Variants in MLLT10 observed in about 807,000 individuals in gnomAD.
MLLT10 encodes the protein protein AF-10.
MLLT10 carries 30 observed loss-of-function variants against 129.1 expected under a neutral mutation model. That is an observed-to-expected ratio of 0.23 (90% CI 0.17 to 0.32). The LOEUF (loss-of-function observed/expected upper bound fraction) is 0.32, where lower values mean the gene tolerates loss of function less well. MLLT10 is among the 10% of genes least tolerant of loss of function. The pLI is 1.00. For synonymous variants in MLLT10, 490 were observed against 446.4 expected (o/e 1.10, Z -1.23); for missense variants, 1,119 against 1,268.3 (o/e 0.88, Z 1.79).
chr10:21,677,784 C>T (rs911116102), intron 11 of MLLT10, among the ~76,000 whole-genome samples: 1 of 152,160 alleles, frequency 6.6e-6, no homozygotes, highest in Non-Finnish European at 1.5e-5. Context: ...GATTGACTTT[C>T]TTGAATGACA....
chr10:21,690,395 T>G (rs1227596538), intron 13 of MLLT10, among the ~76,000 whole-genome samples: 2 of 152,126 alleles, frequency 1.3e-5, no homozygotes, highest in Non-Finnish European at 2.9e-5. Flanking sequence ...TAATGAATTT[T>G]TAAATTATTA....
chr10:21,701,712 G>A (rs1414017165), intron 13 of MLLT10, among the ~76,000 whole-genome samples: 4 of 151,914 alleles, frequency 2.6e-5, no homozygotes, highest in Admixed American at 1.3e-4. Context: ...TCAGCCTCCT[G>A]AGTAGCTGGG....
At position 21,715,157 on chromosome 10, in the gene MLLT10, T is replaced by C. The variant is rs950471978; in HGVS notation, c.1878+1207T>C. Among the ~76,000 whole-genome samples the C allele has an allele frequency of 2.0e-5, 3 of 152,324 alleles. No homozygotes were observed. The South Asian group carries it at 6.2e-4, about 32-fold the overall frequency. ...ATGCGTGCATAATTTCCATTGCGTGTGTTGTTAGGATATATATACGCTTTT... is the reference window on the plus strand; with the variant it reads ...ATGCGTGCATAATTTCCATTGCGTGCGTTGTTAGGATATATATACGCTTTT... On this transcript the variant is annotated intron_variant, in intron 14 of 22. Transcript: ENST00000307729.
chr10:21,633,180 G>A (rs903589131), intron 8 of MLLT10, among the ~76,000 whole-genome samples: 3 of 152,166 alleles, frequency 2.0e-5, no homozygotes, highest in African/African-American at 7.2e-5. Flanking sequence ...TGATTTTAGT[G>A]CTTACCTCAT....
At chr10:21,599,215 G>A (rs1024452703) in intron 5 of MLLT10, among the ~76,000 whole-genome samples, 3 of 150,952 alleles carry the variant, frequency 2.0e-5, no homozygotes, top group South Asian at 4.2e-4. Context: ...GGTAGTGGAC[G>A]CCTGTAATCC....
intron 13 of MLLT10, among the ~76,000 whole-genome samples, chr10:21,690,338 C>G (rs942559253): frequency 3.9e-5 from 6 of 152,012 alleles, no homozygotes; most frequent in Non-Finnish European, 7.4e-5. Flanking sequence ...TGTCAGAAAA[C>G]CCCCCACCAA....
At chr10:21,714,393 G>A (rs1213737693) in intron 14 of MLLT10, among the ~76,000 whole-genome samples, 1 of 152,122 alleles carries the variant, frequency 6.6e-6, no homozygotes, top group Non-Finnish European at 1.5e-5. Flanking sequence ...CCGAATGACC[G>A]CTTCAAGCAC....
At chr10:21,709,591 G>T (rs1030667952) in intron 13 of MLLT10, among the ~76,000 whole-genome samples, 15 of 152,106 alleles carry the variant, frequency 9.9e-5, no homozygotes, top group Non-Finnish European at 2.2e-4. Context: ...CTCAATATTT[G>T]TTGAATTATC....
chr10:21,717,734 CTCTTCCTCCTCCTCT>C (rs2056795668), intron 14 of MLLT10, among the ~76,000 whole-genome samples: 1 of 65,184 alleles, frequency 1.5e-5, no homozygotes, highest in African/African-American at 7.0e-5. Context: ...CCTCCTCCTC[CTCTTCCTCCTCCTCT>C]TCCTCCTCCT....
At chr10:21,580,013 TTTTC>T (rs2041229332) in intron 3 of MLLT10, among the ~76,000 whole-genome samples, 1 of 151,594 alleles carries the variant, frequency 6.6e-6, no homozygotes, top group Admixed American at 6.6e-5. Context: ...TTGTTTTGTT[TTTTC>T]TTTGTTTTTT....
At chr10:21,620,987 AT>A (rs201542325) in intron 8 of MLLT10, among the ~76,000 whole-genome samples, 67 of 136,350 alleles carry the variant, frequency 4.9e-4, no homozygotes, top group East Asian at 1.5e-3. Flanking sequence ...CCTGCCAAGA[AT>A]TTTTTTTTTT....
chr10:21,735,065 G>A, intron 20 of MLLT10, 74 bp from the exon 21 acceptor site: 11 of 1,056,604 alleles, frequency 1.0e-5, no homozygotes, highest in Non-Finnish European at 1.6e-5. Flanking sequence ...TTGAAAAGTT[G>A]TCTTTCATTT....
chr10:21,634,494 C>G (rs1323098998), intron 8 of MLLT10, among the ~76,000 whole-genome samples: 1 of 152,206 alleles, frequency 6.6e-6, no homozygotes, highest in Non-Finnish European at 1.5e-5. Context: ...TGTCGTCTAC[C>G]AGATCTACTG....
At chr10:21,634,906 A>T (rs550787753) in intron 8 of MLLT10, among the ~76,000 whole-genome samples, 1 of 152,270 alleles carries the variant, frequency 6.6e-6, no homozygotes, top group African/African-American at 2.4e-5. Flanking sequence ...AGTTTATAAA[A>T]ATTTCCTTAA....
chr10:21,582,085 TA>T (rs2041516923), intron 3 of MLLT10, among the ~76,000 whole-genome samples: 2 of 152,160 alleles, frequency 1.3e-5, no homozygotes, highest in Admixed American at 1.3e-4. Context: ...CACATTCATA[TA>T]GCTTTTCTTA....
At position 21,733,983 on chromosome 10, in the gene MLLT10, T is replaced by C. The variant is rs377618806; in HGVS notation, c.2712T>C (p.Gly904=). 4 of 1,614,068 alleles carry C rather than the reference T, an allele frequency of 2.5e-6. No homozygotes were observed. The highest frequency in any genetic ancestry group is 3.4e-6 in the Non-Finnish European group (4 of 1,180,052). The change falls in exon 20 of 23, where the codon GGT becomes GGC. Residue 904 remains glycine, a synonymous_variant. Transcript: ENST00000307729. Reference sequence around the variant, plus strand: ...GTGGAATAATTGGAGCTTTGCCAGGTAACCAACTGGCAATTAATGGCATTG... The same window carrying C: ...GTGGAATAATTGGAGCTTTGCCAGGCAACCAACTGGCAATTAATGGCATTG... ...AVGGIIGALP[G]NQLAINGIVG... is the part of the protein sequence containing the mutation.
rs895250658 is a variant in MLLT10 at position 21,664,917 on chromosome 10, A to G, written c.796-5532A>G. Reference sequence around the variant, plus strand: ...GCTTATACTTTCTTTGTGCCTTTATATTTAAAATAGGCTTCTTTTTTCTTT... The same window carrying G: ...GCTTATACTTTCTTTGTGCCTTTATGTTTAAAATAGGCTTCTTTTTTCTTT... On this transcript the variant is annotated intron_variant, in intron 9 of 22. Coordinates refer to ENST00000307729, the MANE Select transcript of MLLT10 (RefSeq NM_001195626.3). Among the ~76,000 whole-genome samples the G allele has an allele frequency of 2.2e-5, 3 of 138,804 alleles. No individual in the cohort carries two copies. In the South Asian group the frequency reaches 7.2e-4, roughly 33 times the overall value. 91.1% of individuals were successfully genotyped at this position (138,804 alleles called of 152,430 possible).
chr10:21,732,144 A>C (rs1216615302), intron 17 of MLLT10, among the ~76,000 whole-genome samples: 1 of 152,208 alleles, frequency 6.6e-6, no homozygotes, highest in East Asian at 1.9e-4. Flanking sequence ...TGTATCTTCT[A>C]AAGGCCCTGA....
At chr10:21,615,520 A>G (rs1469959414) in intron 7 of MLLT10, among the ~76,000 whole-genome samples, 1 of 151,338 alleles carries the variant, frequency 6.6e-6, no homozygotes, top group African/African-American at 2.4e-5. Flanking sequence ...GAATGTTGGT[A>G]TACATTTAGT....
Sources: allele counts gnomAD v4.1 joint callset (sites outside exome capture counted in the v4.1 genomes callset), GRCh38; gene constraint gnomAD v4.1.1; transcripts MANE v1.5; gene names NCBI Gene and HGNC (gene_info 2026-07-23, HGNC 2026-07-21).